The following PEAK3 variants were observed in gnomAD, a reference collection of about 807,000 sequenced individuals.
PEAK3 encodes protein PEAK3.
A neutral mutation model predicts 13.3 loss-of-function variants in PEAK3; 15 were observed. That is an observed-to-expected ratio of 1.13 (90% CI 0.75 to 1.73). The LOEUF (loss-of-function observed/expected upper bound fraction) is 1.73. Ranked by LOEUF, PEAK3 falls within the 40% of genes most tolerant of loss-of-function variation. The pLI is 0.00. For synonymous variants in PEAK3, 347 were observed against 341.9 expected, an observed-to-expected ratio of 1.01 and a Z score of -0.17; for missense variants, 739 against 690.2, an observed-to-expected ratio of 1.07 and a Z score of -0.79.
At chr19:2,276,969 G>A (rs113115129) in intron 3 of PEAK3, among the ~76,000 whole-genome samples, 32 of 151,944 alleles carry the variant, frequency 2.1e-4, no homozygotes, top group African/African-American at 4.8e-5. Context: ...CCGAGAACGC[G>A]CCACTGCACT....
Position 2,276,415 on chromosome 19 carries a change from A to C in PEAK3, c.687T>G (p.Asn229Lys). 1 of 1,597,128 alleles carries C rather than the reference A, an allele frequency of 6.3e-7. No homozygotes were observed. Among genetic ancestry groups the C allele is most frequent in the Non-Finnish European group, 8.5e-7 (1 of 1,176,778 alleles). Reference sequence around the variant, plus strand: ...GCACCAGGCCACACAGCCCCTGCAGATTGAAGTGTGGAGACAGGGAGGCCT... The same window carrying C: ...GCACCAGGCCACACAGCCCCTGCAGCTTGAAGTGTGGAGACAGGGAGGCCT... Reference protein sequence around the residue: ...ELQASLSPHFNLQGLCGLVPE... With the variant: ...ELQASLSPHFKLQGLCGLVPE... The change falls in exon 4 of 4, where the codon AAT (asparagine) becomes AAG (lysine). Residue 229 changes from asparagine to lysine, a missense_variant. By Grantham distance (94) the Asn-to-Lys change is moderately conservative (BLOSUM62 0). Transcript: ENST00000342063.
intron 2 of PEAK3, among the ~76,000 whole-genome samples, chr19:2,279,836 G>A (rs1192522821): frequency 2.0e-5 from 3 of 151,458 alleles, no homozygotes; most frequent in Admixed American, 6.6e-5. Flanking sequence ...TGCAACCTCC[G>A]CCTCCTAGGT....
chr19:2,280,814 C>T (rs770020666), intron 2 of PEAK3, 36 bp downstream of exon 2: 3 of 1,559,756 alleles, frequency 1.9e-6, no homozygotes, highest in Non-Finnish European at 1.7e-6. Context: ...GCTCCCTGCA[C>T]CCCCGCAGCC....
At position 2,274,943 on chromosome 19, in the gene PEAK3, A is replaced by AAAAG. The variant is rs1555740304; in HGVS notation, c.*736_*737insCTTT. 2.1e-5 allele frequency: 3 copies of AAAAG among 141,890 alleles called. No homozygotes were observed. Among genetic ancestry groups the AAAAG allele is most frequent in the Non-Finnish European group, 4.6e-5 (3 of 65,078 alleles). 8.8% of individuals were successfully genotyped at this position (141,890 alleles called of 1,614,324 possible). On this transcript the variant is annotated 3_prime_UTR_variant, in exon 4 of 4. Transcript: ENST00000342063. ...GCCGAGATCGTCTCAAAAAAAAAAA[A>AAAAG]AAAAAAAAAAGAAAAAGAAAGTGGA...
Position 2,278,731 on chromosome 19 carries a change from G to C in PEAK3, c.465C>G (p.Ala155=), listed in dbSNP as rs890795405. Residue 155 remains alanine, a synonymous_variant, in exon 3 of 4, where the codon GCC becomes GCG. Transcript: ENST00000342063. ...GCCCGGGGTGGCCCCCCATGAGCCGGGCACGGAGCCGGGCATAGATGGTAC... is the reference window on the plus strand; with the variant it reads ...GCCCGGGGTGGCCCCCCATGAGCCGCGCACGGAGCCGGGCATAGATGGTAC... ...GLRTIYARLR[A]RLMGGHPGPC... is the part of the protein sequence containing the mutation. The C allele has an allele frequency of 1.3e-6, 2 of 1,535,322 alleles. No individual in the cohort carries two copies. Among genetic ancestry groups the C allele is most frequent in the African/African-American group, 2.7e-5 (2 of 72,884 alleles).
chr19:2,280,549 T>C (rs1322317184), intron 2 of PEAK3, among the ~76,000 whole-genome samples: 2 of 146,656 alleles, frequency 1.4e-5, no homozygotes, highest in Non-Finnish European at 3.0e-5. Flanking sequence ...CGGGTCTCAT[T>C]ATATTGCCCA....
rs1341942457 is a variant in PEAK3, at chr19:2,280,860, A to G, written c.72T>C (p.Tyr24=). The change falls in exon 2 of 4, where the codon TAT becomes TAC. Residue 24 remains tyrosine (Y), a synonymous_variant. Transcript: ENST00000342063. ...TGGGGAGCTGCTTACCAAGGTTGCT[A>G]TACGTGGGCTGAGTCGACCAGGTGG... ...DNPTWSTQPT[Y]SNLGQIRAHL... The G allele has an allele frequency of 1.9e-6, 3 of 1,607,228 alleles. No homozygotes were observed. The highest frequency in any genetic ancestry group is 1.7e-5 in the Admixed American group (1 of 59,510).
Position 2,276,242 on chromosome 19 carries a change from TGCA to T in PEAK3, c.857_859del (p.Leu286del), listed in dbSNP as rs752604810. On this transcript the variant is annotated inframe_deletion, in exon 4 of 4. Coordinates refer to ENST00000342063, the MANE Select transcript of PEAK3 (RefSeq NM_198532.3). ...CAGGAACTTCAGGGCCGCGCTCAGCTGCAGCAGCAGCAGGGCCACAGCCCACAC... is the reference window on the plus strand; with the variant it reads ...CAGGAACTTCAGGGCCGCGCTCAGCTGCAGCAGCAGGGCCACAGCCCACAC... The T allele has an allele frequency of 8.2e-6, 13 of 1,587,394 alleles. No individual in the cohort carries two copies. Among genetic ancestry groups the T allele is most frequent in the East Asian group, 2.3e-5 (1 of 43,188 alleles).
chr19:2,281,255 G>A (rs1254966999), intron 1 of PEAK3, among the ~76,000 whole-genome samples: 9 of 140,370 alleles, frequency 6.4e-5, no homozygotes, highest in African/African-American at 2.2e-4. Context: ...ATTCTGAGTG[G>A]GTTTGCTGCC....
chr19:2,279,820 G>T (rs1220482583), intron 2 of PEAK3, among the ~76,000 whole-genome samples: 1 of 151,592 alleles, frequency 6.6e-6, no homozygotes, highest in Non-Finnish European at 1.5e-5. Flanking sequence ...CACGATCTCG[G>T]CTCACTGCAA....
At chr19:2,280,984 C>T (rs1481761097) in intron 1 of PEAK3, 49 bp from the exon 2 acceptor site, 29 of 1,273,456 alleles carry the variant, frequency 2.3e-5, no homozygotes, top group Non-Finnish European at 3.0e-5. Context: ...TGTGCACGCA[C>T]AGGGCGACAT....
rs1039343960 is a variant in PEAK3, at chr19:2,275,511, C to A, written c.*169G>T. On this transcript the variant is annotated 3_prime_UTR_variant, in exon 4 of 4. Coordinates refer to ENST00000342063, the MANE Select transcript of PEAK3 (RefSeq NM_198532.3). The stretch of plus-strand genomic sequence containing the variant: ...CTGCATTCCTGGGAAGCCCTTGACC[C>A]ACATCCCCAGCACGGGAGGGGAGGC... 9 of 574,096 alleles carry A rather than the reference C, an allele frequency of 1.6e-5. No homozygotes were observed. The African/African-American group carries it at 1.8e-4, about 11-fold the overall frequency. 35.6% of individuals were successfully genotyped at this position (574,096 alleles called of 1,614,324 possible).
At position 2,275,964 on chromosome 19, in the gene PEAK3, G is replaced by A. The variant is rs1468217585; in HGVS notation, c.1138C>T (p.Gln380Ter). The change falls in exon 4 of 4, where the codon CAG (glutamine) becomes TAG (stop). Residue 380 changes from glutamine to a stop codon, truncating the protein, a stop_gained. Transcript: ENST00000342063. LOFTEE classifies it low-confidence loss of function (END_TRUNC). ...LAAGLELLAA[Q>*]LTRLRPSASR... ...GCCGAGGGCCGCAAGCGGGTCAGCT[G>A]TGCTGCCAGGAGCTCCAGGCCCGCG... is the stretch of plus-strand genomic sequence containing the variant. 5.9e-5 allele frequency: 84 copies of A among 1,415,778 alleles called. No individual in the cohort carries two copies. The highest frequency in any genetic ancestry group is 7.4e-5 in the Non-Finnish European group (81 of 1,092,026). 87.7% of individuals were successfully genotyped at this position (1,415,778 alleles called of 1,614,324 possible). A position where few individuals can be genotyped will look rare whatever the true frequency, so the allele number is the denominator to read the frequency against.
chr19:2,278,109 C>T (rs1359833917), intron 3 of PEAK3, among the ~76,000 whole-genome samples: 3 of 151,076 alleles, frequency 2.0e-5, no homozygotes, highest in Admixed American at 6.6e-5. Context: ...GTGATCTGCC[C>T]GCCTCGGCCT....
intron 3 of PEAK3, among the ~76,000 whole-genome samples, chr19:2,278,024 C>T (rs946031610): frequency 6.6e-5 from 10 of 151,516 alleles, no homozygotes; most frequent in East Asian, 3.9e-4. Context: ...CCACCACGCC[C>T]GGCTAATTTT....
At chr19:2,278,318 C>A (rs913505785) in intron 3 of PEAK3, among the ~76,000 whole-genome samples, 7 of 147,054 alleles carry the variant, frequency 4.8e-5, no homozygotes, top group African/African-American at 7.9e-5. Flanking sequence ...GCGCCCGCCA[C>A]CACACCTAAT....
chr19:2,278,775 G>C lies in PEAK3; in HGVS notation c.421C>G (p.Arg141Gly), dbSNP rs758634466. ...ATGGTACGGAGGCCCTGCAGCTGCC[G>C]CGCAGCCAGTGCAGTGTGCACAGCC... ...PEAVHTALAA[R>G]QLQGLRTIYA... is the part of the protein sequence containing the mutation. Residue 141 changes from arginine to glycine, a missense_variant, in exon 3 of 4, where the codon CGG (arginine) becomes GGG (glycine). Transcript: ENST00000342063. 5.8e-6 allele frequency: 9 copies of C among 1,564,026 alleles called. No individual in the cohort carries two copies. The highest frequency in any genetic ancestry group is 7.8e-6 in the Non-Finnish European group (9 of 1,151,944).
intron 2 of PEAK3, among the ~76,000 whole-genome samples, chr19:2,279,619 G>A (rs940768323): frequency 6.6e-6 from 1 of 151,938 alleles, no homozygotes; most frequent in East Asian, 2.0e-4. Flanking sequence ...TTGTGCCACT[G>A]CACTCCAGCC....
chr19:2,278,825 G>C lies in PEAK3; in HGVS notation c.371C>G (p.Ser124Cys). The change falls in exon 3 of 4, where the codon TCC becomes TGC. Residue 124 changes from serine (S) to cysteine (C), a missense_variant. By Grantham distance (112) the Ser-to-Cys change is moderately radical. Transcript: ENST00000342063. ...FGPADAPLGL[S>C]LRDLHSPEAV... ...CTCCGGGCTGTGCAGATCGCGGAGG[G>C]AGAGGCCCAGTGGGGCGTCAGCCGG... 1 of 1,596,252 alleles carries C rather than the reference G, an allele frequency of 6.3e-7. No homozygotes were observed. The highest frequency in any genetic ancestry group is 8.5e-7 in the Non-Finnish European group (1 of 1,171,866).
Sources: gnomAD v4.1 joint callset for allele counts (sites outside exome capture counted in the v4.1 genomes callset) on GRCh38, gnomAD v4.1.1 for gene constraint, MANE v1.5 for transcripts, NCBI Gene and HGNC (gene_info 2026-07-23, HGNC 2026-07-21) for gene names.